ALK: variants seen among roughly 807,000 people sequenced by gnomAD.
ALK encodes the protein ALK tyrosine kinase receptor.
In ALK, 74 loss-of-function variants were observed where a neutral mutation model predicts 163.1. The observed-to-expected ratio is 0.45, with a 90% confidence interval of 0.38 to 0.55. The LOEUF (loss-of-function observed/expected upper bound fraction) is 0.55, where lower values mean the gene tolerates loss of function less well. Ranked by LOEUF, ALK falls within the 20% of genes least tolerant of loss-of-function variation. ALK has a pLI of 0.00. For missense variants in ALK, 2,063 were observed against 2,105.3 expected (o/e 0.98, Z 0.39); for synonymous variants, 960 against 843.2 (o/e 1.14, Z -2.40).
chr2:29,320,625 T>C, intron 7 of ALK, 126 bp downstream of exon 7: 3 of 1,353,002 alleles, frequency 2.2e-6, no homozygotes, highest in East Asian at 4.6e-5. Context: ...GTGAACGCTC[T>C]AGGCAAGCTT....
At chr2:29,797,181 G>A (rs552382802) in intron 1 of ALK, among the ~76,000 whole-genome samples, 1 of 152,138 alleles carries the variant, frequency 6.6e-6, no homozygotes, top group Non-Finnish European at 1.5e-5. Flanking sequence ...AACAAATGAA[G>A]TTTAGCAGCT....
At chr2:29,540,625 A>T (rs984623846) in intron 3 of ALK, among the ~76,000 whole-genome samples, 5 of 147,934 alleles carry the variant, frequency 3.4e-5, no homozygotes, top group African/African-American at 1.2e-4. Flanking sequence ...TTTTCTCCTC[A>T]TAACTCTGTT....
chr2:29,590,896 C>T (rs965838554), intron 3 of ALK, among the ~76,000 whole-genome samples: 4 of 151,544 alleles, frequency 2.6e-5, no homozygotes, highest in African/African-American at 9.7e-5. Flanking sequence ...ACGGTGAAAC[C>T]CCGTTTCTAC....
In ALK at chr2:29,872,253, G is replaced by C. The variant is rs188284167; in HGVS notation, c.667+47740C>G. On this transcript the variant is annotated intron_variant, in intron 1 of 28. Coordinates refer to ENST00000389048, the MANE Select transcript of ALK (RefSeq NM_004304.5). Reference sequence around the variant, plus strand: ...CAAGGAATTTAAGTACAGAGCAGGGGAGGGGATGCAGCTGAACTGCAGAGA... The same window carrying C: ...CAAGGAATTTAAGTACAGAGCAGGGCAGGGGATGCAGCTGAACTGCAGAGA... Among the ~76,000 whole-genome samples, 29 of 152,322 alleles carry C rather than the reference G, an allele frequency of 1.9e-4. No homozygotes were observed. In the South Asian group the frequency reaches 5.6e-3, roughly 29 times the overall value.
At chr2:29,799,300 G>A (rs900542012) in intron 1 of ALK, among the ~76,000 whole-genome samples, 1 of 152,214 alleles carries the variant, frequency 6.6e-6, no homozygotes, top group African/African-American at 2.4e-5. Context: ...CTTGGATGCT[G>A]AAGTGGTTCA....
chr2:29,280,214 G>A (rs1665673479), intron 9 of ALK, among the ~76,000 whole-genome samples: 1 of 151,918 alleles, frequency 6.6e-6, no homozygotes, highest in Non-Finnish European at 1.5e-5. Context: ...GGAGGTTATG[G>A]TATATACAGA....
chr2:29,725,624 A>G (rs752991257), intron 1 of ALK, among the ~76,000 whole-genome samples: 5 of 152,052 alleles, frequency 3.3e-5, no homozygotes, highest in African/African-American at 4.8e-5. Flanking sequence ...TCTGTTGTTT[A>G]TGTTGATTTC....
chr2:29,601,703 T>C (rs1675384358), intron 3 of ALK, among the ~76,000 whole-genome samples: 1 of 152,026 alleles, frequency 6.6e-6, no homozygotes, highest in Non-Finnish European at 1.5e-5. Context: ...AGGAAAGTCA[T>C]GCAAATGGGT....
At chr2:29,691,913 T>A (rs370539502) in intron 3 of ALK, among the ~76,000 whole-genome samples, 1 of 152,216 alleles carries the variant, frequency 6.6e-6, no homozygotes, top group African/African-American at 2.4e-5. Context: ...TCCCTGTCTC[T>A]TGATCTCACT....
chr2:29,746,093 C>T (rs1041488968), intron 1 of ALK, among the ~76,000 whole-genome samples: 1 of 152,196 alleles, frequency 6.6e-6, no homozygotes, highest in African/African-American at 2.4e-5. Context: ...ATTATTCCCA[C>T]TTTACAGATG....
intron 1 of ALK, among the ~76,000 whole-genome samples, chr2:29,719,867 A>G (rs1478156163): frequency 6.6e-6 from 1 of 152,162 alleles, no homozygotes; most frequent in East Asian, 1.9e-4. Context: ...ACCACTGAGC[A>G]TGCTTCAGAA....
chr2:29,229,739 C>T (rs192164621), intron 15 of ALK, among the ~76,000 whole-genome samples: 16 of 152,264 alleles, frequency 1.1e-4, no homozygotes, highest in East Asian at 3.9e-4. Flanking sequence ...GGGTGGGGAG[C>T]GTCAGGGGCT....
intron 3 of ALK, among the ~76,000 whole-genome samples, chr2:29,579,623 C>T (rs1674622133): frequency 6.6e-6 from 1 of 152,196 alleles, no homozygotes; most frequent in African/African-American, 2.4e-5. Context: ...GGAACTAACT[C>T]ATCATATATG....
intron 12 of ALK, among the ~76,000 whole-genome samples, chr2:29,250,701 A>C (rs973521409): frequency 6.6e-6 from 1 of 152,228 alleles, no homozygotes; most frequent in Non-Finnish European, 1.5e-5. Flanking sequence ...GGCCCAGGAA[A>C]GGAGGCGCAA....
rs528130870 is a variant in ALK at position 29,859,324 on chromosome 2, G to C, written c.667+60669C>G. Among the ~76,000 whole-genome samples the C allele has an allele frequency of 3.3e-5, 5 of 152,352 alleles. No individual in the cohort carries two copies. The East Asian group carries it at 9.6e-4, about 29-fold the overall frequency. On this transcript the variant is annotated intron_variant, in intron 1 of 28. Transcript: ENST00000389048. The stretch of plus-strand genomic sequence containing the variant: ...CTGGGATGGGAGTCAGGCCAGGCAT[G>C]AAAGAGAGGCTTACAGCTGAAGCTG...
At chr2:29,274,447 C>A (rs1335499912) in intron 11 of ALK, among the ~76,000 whole-genome samples, 1 of 152,226 alleles carries the variant, frequency 6.6e-6, no homozygotes, top group Admixed American at 6.5e-5. Flanking sequence ...GGCTGGCTGG[C>A]ATGGGGCTGG....
chr2:29,350,523 T>C (rs1668084549), intron 5 of ALK, among the ~76,000 whole-genome samples: 2 of 152,156 alleles, frequency 1.3e-5, no homozygotes, highest in South Asian at 2.1e-4. Context: ...CCACTGGCTC[T>C]GGTCTTGCTC....
chr2:29,688,224 T>C (rs964401364), intron 3 of ALK, among the ~76,000 whole-genome samples: 1 of 152,012 alleles, frequency 6.6e-6, no homozygotes, highest in African/African-American at 2.4e-5. Context: ...GCCCATGCAA[T>C]GGGAAGAGAG....
At chr2:29,815,571 A>G (rs1019246132) in intron 1 of ALK, among the ~76,000 whole-genome samples, 2 of 152,182 alleles carry the variant, frequency 1.3e-5, no homozygotes, top group African/African-American at 2.4e-5. Context: ...GGCTGTAGAA[A>G]GGTCTCTCGT....
Sources: allele counts gnomAD v4.1 joint callset (sites outside exome capture counted in the v4.1 genomes callset), GRCh38; gene constraint gnomAD v4.1.1; transcripts MANE v1.5; gene names NCBI Gene and HGNC (gene_info 2026-07-23, HGNC 2026-07-21).